The following CEP128 variants were observed in gnomAD, a reference collection of about 807,000 sequenced individuals.
CEP128 encodes centrosomal protein 128, also known as centrosomal protein 128kDa.
In CEP128, 132 loss-of-function variants were observed where a neutral mutation model predicts 156.7. That is an observed-to-expected ratio of 0.84 (90% CI 0.73 to 0.97). CEP128 has a LOEUF of 0.97. CEP128 is among the 50% of genes least tolerant of loss of function. CEP128 has a pLI of 0.00. For missense variants in CEP128, 1,252 were observed against 1,281.9 expected, an observed-to-expected ratio of 0.98 and a Z score of 0.36; for synonymous variants, 469 against 448.9, an observed-to-expected ratio of 1.04 and a Z score of -0.57.
intron 8 of CEP128, among the ~76,000 whole-genome samples, chr14:80,887,450 C>G (rs1041931614): frequency 6.6e-6 from 1 of 152,042 alleles, no homozygotes; most frequent in Non-Finnish European, 1.5e-5. Context: ...AGTGCAATCA[C>G]ATTAGAACTC....
chr14:80,629,903 A>T (rs926692530), intron 19 of CEP128, among the ~76,000 whole-genome samples: 1 of 152,036 alleles, frequency 6.6e-6, no homozygotes, highest in Non-Finnish European at 1.5e-5. Flanking sequence ...AATCTATTTA[A>T]GAGAGAATTG....
intron 16 of CEP128, among the ~76,000 whole-genome samples, chr14:80,766,323 A>T (rs994536023): frequency 1.3e-5 from 2 of 152,218 alleles, no homozygotes; most frequent in Admixed American, 6.5e-5. Flanking sequence ...ACTGCTGACA[A>T]TCTCATGATA....
At chr14:80,736,268 A>AC (rs1021755001) in intron 19 of CEP128, among the ~76,000 whole-genome samples, 1 of 151,108 alleles carries the variant, frequency 6.6e-6, no homozygotes, top group African/African-American at 2.5e-5. Context: ...AAAAAAAAAA[A>AC]AACACAGCAA....
intron 19 of CEP128, among the ~76,000 whole-genome samples, chr14:80,658,751 G>A (rs1338877776): frequency 6.6e-6 from 1 of 152,110 alleles, no homozygotes; most frequent in Non-Finnish European, 1.5e-5. Context: ...TTTGAAACAG[G>A]CACAAGCAAC....
chr14:80,656,296 T>C (rs1467468310), intron 19 of CEP128, among the ~76,000 whole-genome samples: 3 of 3,756 alleles, frequency 8.0e-4, no homozygotes, highest in Admixed American at 3.4e-3. Flanking sequence ...TATATTTATA[T>C]ATATATATAT....
intron 18 of CEP128, among the ~76,000 whole-genome samples, chr14:80,746,919 A>G (rs327437): frequency 0.046 from 6,964 of 152,290 alleles, 525 homozygotes; most frequent in African/African-American, 0.16. Context: ...AAACGTACAA[A>G]GGATGTAAAT....
At chr14:80,515,899 G>A (rs186467057) in intron 23 of CEP128, among the ~76,000 whole-genome samples, 3 of 152,146 alleles carry the variant, frequency 2.0e-5, no homozygotes, top group Admixed American at 6.5e-5. Context: ...ATGGAGTTTC[G>A]CTTTTGTTGC....
chr14:80,904,315 T>C (rs1883756380), intron 6 of CEP128, among the ~76,000 whole-genome samples: 1 of 151,882 alleles, frequency 6.6e-6, no homozygotes. Context: ...TAGAGTAGAA[T>C]AATGGTTACC....
intron 13 of CEP128, 112 bp downstream of exon 13, chr14:80,831,031 T>C (rs1165379148): frequency 1.1e-6 from 1 of 893,634 alleles, no homozygotes; most frequent in Non-Finnish European, 1.8e-6. Flanking sequence ...ATATTATCAA[T>C]GCTCACACTG....
At chr14:80,781,455 C>CAAAAA (rs67179008) in intron 15 of CEP128, among the ~76,000 whole-genome samples, 11 of 90,452 alleles carry the variant, frequency 1.2e-4, no homozygotes, top group Non-Finnish European at 1.5e-4. Flanking sequence ...GACTCCGTCT[C>CAAAAA]AAAAAAAAAA....
upstream of CEP128, among the ~76,000 whole-genome samples, chr14:80,944,851 A>AAAAC (rs1886296601): frequency 9.4e-6 from 1 of 106,228 alleles, no homozygotes; most frequent in African/African-American, 3.2e-5. Flanking sequence ...AAAAAAAAAA[A>AAAAC]AAAAAACAGA....
chr14:80,822,673 G>A (rs866557271), intron 13 of CEP128: 7 of 777,750 alleles, frequency 9.0e-6, no homozygotes, highest in Admixed American at 5.1e-5. Flanking sequence ...AGAAGGGAGA[G>A]AAAGTACCCA....
intron 13 of CEP128, among the ~76,000 whole-genome samples, chr14:80,809,005 G>C (rs1388631765): frequency 1.3e-5 from 2 of 151,860 alleles, no homozygotes; most frequent in East Asian, 3.9e-4. Context: ...TAATTCCCTA[G>C]CAAACTATCT....
intron 19 of CEP128, among the ~76,000 whole-genome samples, chr14:80,675,190 C>T (rs1030487358): frequency 6.6e-6 from 1 of 151,976 alleles, no homozygotes. Flanking sequence ...TAAGGCCTTG[C>T]TATTCAAAGT....
intron 2 of CEP128, chr14:80,955,762 C>T (rs1253500374): frequency 6.2e-7 from 1 of 1,614,188 alleles, no homozygotes; most frequent in East Asian, 2.2e-5. Context: ...TTCGTCTCCA[C>T]CCTGCGAGTG....
intron 8 of CEP128, among the ~76,000 whole-genome samples, chr14:80,889,715 G>T (rs1207201598): frequency 6.6e-6 from 1 of 152,044 alleles, no homozygotes; most frequent in Admixed American, 6.6e-5. Flanking sequence ...CTTAGGCATG[G>T]GTAAAGACTT....
chr14:80,620,276 G>A (rs1893422710), intron 19 of CEP128, among the ~76,000 whole-genome samples: 2 of 152,066 alleles, frequency 1.3e-5, no homozygotes, highest in South Asian at 4.1e-4. Context: ...ATTCCAACAG[G>A]TTAGCCACAG....
intron 19 of CEP128, among the ~76,000 whole-genome samples, chr14:80,654,719 C>A (rs911024405): frequency 1.3e-5 from 2 of 152,172 alleles, no homozygotes; most frequent in Middle Eastern, 6.8e-3. Context: ...CTTGTTCAAA[C>A]TCCTTTTTGC....
chr14:80,811,623 G>A (rs1194322234), intron 13 of CEP128, among the ~76,000 whole-genome samples: 16 of 151,942 alleles, frequency 1.1e-4, no homozygotes, highest in Admixed American at 1.1e-3. Context: ...AGAGAGACTA[G>A]GGCAGAAACC....
Sources: gnomAD v4.1 joint callset for allele counts (sites outside exome capture counted in the v4.1 genomes callset) on GRCh38, gnomAD v4.1.1 for gene constraint, MANE v1.5 for transcripts, NCBI Gene and HGNC (gene_info 2026-07-23, HGNC 2026-07-21) for gene names.